SDK1: variants seen among roughly 807,000 people sequenced by gnomAD.
The protein encoded by SDK1 is protein sidekick-1.
Under a neutral mutation model 245.5 loss-of-function variants are expected in SDK1, and 157 were observed. That is an observed-to-expected ratio of 0.64 (90% CI 0.56 to 0.73). The LOEUF is 0.73. Among genes scored for constraint, SDK1 ranks in the 30% least tolerant of loss-of-function variants. SDK1 has a pLI of 0.00. For missense variants in SDK1, 3,583 were observed against 3,002.3 expected, an observed-to-expected ratio of 1.19 and a Z score of -4.52; for synonymous variants, 1,647 against 1,278.5, an observed-to-expected ratio of 1.29 and a Z score of -6.15.
At chr7:3,806,095 C>T (rs1397540525) in intron 4 of SDK1, among the ~76,000 whole-genome samples, 1 of 152,200 alleles carries the variant, frequency 6.6e-6, no homozygotes, top group African/African-American at 2.4e-5. Context: ...GTAGCCCTCC[C>T]ACCATCTTCA....
intron 14 of SDK1, among the ~76,000 whole-genome samples, chr7:3,997,126 G>T (rs1439393980): frequency 2.0e-5 from 3 of 152,248 alleles, no homozygotes; most frequent in African/African-American, 7.2e-5. Context: ...CATAGATTAG[G>T]TTTTCTTGTT....
intron 1 of SDK1, among the ~76,000 whole-genome samples, chr7:3,601,178 G>C (rs1781242044): frequency 6.6e-6 from 1 of 152,054 alleles, no homozygotes; most frequent in Non-Finnish European, 1.5e-5. Flanking sequence ...CTGGTCTATA[G>C]TTTACTTTTT....
intron 4 of SDK1, among the ~76,000 whole-genome samples, chr7:3,684,572 A>T (rs2114988058): frequency 6.6e-6 from 1 of 152,364 alleles, no homozygotes; most frequent in East Asian, 1.9e-4. Flanking sequence ...CATACCCAAA[A>T]TATGTGGGAT....
intron 1 of SDK1, among the ~76,000 whole-genome samples, chr7:3,485,426 G>A (rs1389817298): frequency 6.6e-6 from 1 of 152,158 alleles, no homozygotes; most frequent in Non-Finnish European, 1.5e-5. Flanking sequence ...TAGTTCCAAT[G>A]CCAAGTCCCA....
intron 1 of SDK1, among the ~76,000 whole-genome samples, chr7:3,340,774 A>G (rs958237805): frequency 3.3e-5 from 5 of 151,794 alleles, no homozygotes; most frequent in African/African-American, 9.7e-5. Context: ...CTCAAAAAAA[A>G]AAAAAAAATC....
chr7:4,006,078 G>GA (rs1278775762), intron 14 of SDK1, among the ~76,000 whole-genome samples: 1 of 151,954 alleles, frequency 6.6e-6, no homozygotes, highest in Non-Finnish European at 1.5e-5. Flanking sequence ...AAAAAGAAAA[G>GA]AAAAAAATAC....
intron 17 of SDK1, among the ~76,000 whole-genome samples, chr7:4,017,895 G>T (rs931876929): frequency 6.6e-6 from 1 of 152,144 alleles, no homozygotes; most frequent in Non-Finnish European, 1.5e-5. Flanking sequence ...AGACATAAAC[G>T]TCATGAAGCC....
Position 4,245,590 on chromosome 7 carries a change from A to G in SDK1, c.6252-86A>G, listed in dbSNP as rs1786797024. On this transcript the variant is annotated intron_variant, in intron 43 of 44. Transcript: ENST00000404826. ...GTGGGTTTCCTCTTAGTCCAACGCA[A>G]TAAAGGCCAAATGCCAGGTTAGGAG... 2.6e-6 allele frequency: 4 copies of G among 1,514,696 alleles called. No homozygotes were observed. The South Asian group carries it at 4.8e-5, about 18-fold the overall frequency. The allele number at this position is 1,514,696 out of a possible 1,614,324, so 93.8% of individuals were successfully genotyped here.
At position 3,791,030 on chromosome 7, in the gene SDK1, A is replaced by G. The variant is rs10282240; in HGVS notation, c.714-30420A>G. 5.6e-3 allele frequency among the ~76,000 whole-genome samples: 848 copies of G among 152,226 alleles called. 9 individuals are homozygous for G. Among genetic ancestry groups the G allele is most frequent in the African/African-American group, 0.02 (815 of 41,520 alleles). ...TTACTTAACCTCTCTGTGCTTCAGT[A>G]TCCTCATCGGTAAATTGGGTCTAAC... On this transcript the variant is annotated intron_variant, in intron 4 of 44. Coordinates refer to ENST00000404826, the MANE Select transcript of SDK1 (RefSeq NM_152744.4).
rs371024553 is a variant in SDK1, at chr7:4,216,494, C to T, written c.5540-3615C>T. Among the ~76,000 whole-genome samples, 256 of 152,330 alleles carry T rather than the reference C, an allele frequency of 1.7e-3. 1 individual carries two copies. The highest frequency in any genetic ancestry group is 5.8e-3 in the African/African-American group (242 of 41,566). ...TTCACTATTGCATCAGGATTCCCAA[C>T]GGGGAACCACAAAAGCGGTAACTGG... is the stretch of plus-strand genomic sequence containing the variant. On this transcript the variant is annotated intron_variant, in intron 38 of 44. Transcript: ENST00000404826.
At chr7:3,883,100 G>A (rs1781246745) in intron 5 of SDK1, among the ~76,000 whole-genome samples, 1 of 152,160 alleles carries the variant, frequency 6.6e-6, no homozygotes, top group African/African-American at 2.4e-5. Flanking sequence ...GGTTTCTACA[G>A]AGCCCACGGG....
chr7:3,521,063 G>C (rs1782921390), intron 1 of SDK1, among the ~76,000 whole-genome samples: 1 of 152,176 alleles, frequency 6.6e-6, no homozygotes, highest in East Asian at 1.9e-4. Context: ...AAACTTACTA[G>C]AATTGCCTGA....
At chr7:3,905,330 A>T (rs779817547) in intron 5 of SDK1, among the ~76,000 whole-genome samples, 1 of 152,126 alleles carries the variant, frequency 6.6e-6, no homozygotes, top group African/African-American at 2.4e-5. Context: ...GTATCACTGG[A>T]GGTAATGTTA....
rs527500913 is a variant in SDK1 at position 3,584,890 on chromosome 7, A to AT, written c.299-34183dup. On this transcript the variant is annotated intron_variant, in intron 1 of 44. Transcript: ENST00000404826. The stretch of plus-strand genomic sequence containing the variant: ...AGGTGCCTGCCATCACACCTGGCTA[A>AT]TTTTTTTGTATTTTTAGCGGAGACG... Among the ~76,000 whole-genome samples the AT allele has an allele frequency of 5.8e-3, 876 of 151,834 alleles. 4 individuals carry two copies. Among genetic ancestry groups the AT allele is most frequent in the Non-Finnish European group, 8.6e-3 (584 of 67,918 alleles).
intron 1 of SDK1, among the ~76,000 whole-genome samples, chr7:3,473,117 C>T (rs144247876): frequency 1.3e-5 from 2 of 152,266 alleles, no homozygotes; most frequent in Admixed American, 6.5e-5. Flanking sequence ...CGGAGCATCA[C>T]AACAGCCTTG....
chr7:3,977,335 CCAGAGAA>C, intron 13 of SDK1, among the ~76,000 whole-genome samples: 1 of 112,236 alleles, frequency 8.9e-6, no homozygotes, highest in Middle Eastern at 4.9e-3. Flanking sequence ...AGAGGGTCCT[CCAGAGAA>C]TCACTGAGGG....
chr7:4,231,326 G>A (rs646591), intron 40 of SDK1, among the ~76,000 whole-genome samples: 48,420 of 151,622 alleles, frequency 0.32, 8,192 homozygotes, highest in African/African-American at 0.43. Flanking sequence ...CACTTTGAGA[G>A]GCCAAGGCAG....
At chr7:3,807,576 C>A (rs946734280) in intron 4 of SDK1, among the ~76,000 whole-genome samples, 2 of 152,078 alleles carry the variant, frequency 1.3e-5, no homozygotes, top group Non-Finnish European at 2.9e-5. Context: ...CAAAGACACA[C>A]GAAGACAGGC....
rs145993973 is a variant in SDK1, at chr7:3,422,763, C to T, written c.298+120879C>T. On this transcript the variant is annotated intron_variant, in intron 1 of 44. Transcript: ENST00000404826. ...AAAAGGTGGGGGAAAAGCAGGAGTACTTAGGATGTGGGAGAGGAAATGATA... is the reference window on the plus strand; with the variant it reads ...AAAAGGTGGGGGAAAAGCAGGAGTATTTAGGATGTGGGAGAGGAAATGATA... Among the ~76,000 whole-genome samples, 10 of 152,232 alleles carry T rather than the reference C, an allele frequency of 6.6e-5. No individual in the cohort carries two copies. The East Asian group carries it at 1.9e-3, about 29-fold the overall frequency.
Sources: allele counts gnomAD v4.1 joint callset (sites outside exome capture counted in the v4.1 genomes callset), GRCh38; gene constraint gnomAD v4.1.1; transcripts MANE v1.5; gene names NCBI Gene and HGNC (gene_info 2026-07-23, HGNC 2026-07-21).